ROBO2: variants seen among roughly 807,000 people sequenced by gnomAD.
The protein encoded by ROBO2 is roundabout guidance receptor 2.
ROBO2 carries 53 observed loss-of-function variants against 160.8 expected under a neutral mutation model. The ratio of observed to expected loss-of-function variants is 0.33; its 90% confidence interval spans 0.26 to 0.41. The LOEUF is 0.41. Ranked by LOEUF, ROBO2 falls within the 10% of genes least tolerant of loss-of-function variation. ROBO2 has a pLI of 1.00. For synonymous variants in ROBO2, 664 were observed against 611.7 expected, an observed-to-expected ratio of 1.09 and a Z score of -1.26; for missense variants, 1,577 against 1,722.4, an observed-to-expected ratio of 0.92 and a Z score of 1.49.
intron 2 of ROBO2, among the ~76,000 whole-genome samples, chr3:76,208,300 T>A (rs1575876632): frequency 6.6e-6 from 1 of 152,314 alleles, no homozygotes; most frequent in African/African-American, 2.4e-5. Flanking sequence ...CTCCTTGTAA[T>A]GGAAATGCCC....
At chr3:76,233,984 T>C (rs932896413) in intron 2 of ROBO2, among the ~76,000 whole-genome samples, 1 of 152,168 alleles carries the variant, frequency 6.6e-6, no homozygotes, top group Admixed American at 6.5e-5. Context: ...CGCTCCAACC[T>C]CAAGTAGACC....
intron 6 of ROBO2, among the ~76,000 whole-genome samples, chr3:77,523,211 T>G (rs1257539982): frequency 6.6e-6 from 1 of 151,422 alleles, no homozygotes; most frequent in East Asian, 1.9e-4. Context: ...TTTCCATTGC[T>G]TTCAACTACT....
intron 2 of ROBO2, among the ~76,000 whole-genome samples, chr3:76,271,862 A>C (rs1707452181): frequency 6.6e-6 from 1 of 152,006 alleles, no homozygotes; most frequent in African/African-American, 2.4e-5. Context: ...CTAGTTCTTA[A>C]AATATTTCTG....
intron 2 of ROBO2, among the ~76,000 whole-genome samples, chr3:76,258,096 A>G (rs1460428914): frequency 1.3e-5 from 2 of 152,014 alleles, no homozygotes; most frequent in Non-Finnish European, 2.9e-5. Context: ...ATCCTAACAT[A>G]CAACTACAGC....
chr3:77,178,047 ACT>A (rs2080327178), intron 2 of ROBO2, among the ~76,000 whole-genome samples: 1 of 152,036 alleles, frequency 6.6e-6, no homozygotes, highest in Non-Finnish European at 1.5e-5. Context: ...TCTCTACTGA[ACT>A]TCCTGGGGAA....
chr3:76,570,232 A>G (rs959117761), intron 2 of ROBO2, among the ~76,000 whole-genome samples: 3 of 152,178 alleles, frequency 2.0e-5, no homozygotes, highest in Non-Finnish European at 4.4e-5. Flanking sequence ...CAATGGAGCT[A>G]TTGCTTTTTT....
chr3:76,959,498 C>T (rs1577845545), intron 2 of ROBO2, among the ~76,000 whole-genome samples: 2 of 152,076 alleles, frequency 1.3e-5, no homozygotes, highest in African/African-American at 4.8e-5. Context: ...GAAGTGACAC[C>T]ATTTGTGTGA....
At chr3:77,020,516 A>G (rs186980575) in intron 2 of ROBO2, among the ~76,000 whole-genome samples, 75 of 152,314 alleles carry the variant, frequency 4.9e-4, no homozygotes, top group African/African-American at 1.7e-3. Context: ...ACTCTTAGAA[A>G]AAAATGTTCA....
intron 2 of ROBO2, among the ~76,000 whole-genome samples, chr3:76,120,038 C>G (rs1467874611): frequency 6.6e-6 from 1 of 151,318 alleles, no homozygotes; most frequent in Non-Finnish European, 1.5e-5. Flanking sequence ...ACTCTGTTGC[C>G]CAGCCTGGAG....
chr3:76,560,669 G>A (rs1229743243), intron 2 of ROBO2, among the ~76,000 whole-genome samples: 1 of 149,344 alleles, frequency 6.7e-6, no homozygotes, highest in Non-Finnish European at 1.5e-5. Context: ...CTCCCGGTAA[G>A]TCTATAGTCA....
chr3:76,437,540 C>T (rs200490456), intron 2 of ROBO2, among the ~76,000 whole-genome samples: 6 of 152,000 alleles, frequency 3.9e-5, no homozygotes, highest in East Asian at 3.9e-4. Flanking sequence ...AATTTTAAAC[C>T]GTATTGAAAA....
intron 2 of ROBO2, among the ~76,000 whole-genome samples, chr3:76,238,119 G>A (rs929902875): frequency 6.6e-6 from 1 of 152,112 alleles, no homozygotes. Context: ...GGACTTGGGA[G>A]GTTATTCTTA....
chr3:76,994,132 A>G (rs950061056), intron 2 of ROBO2, among the ~76,000 whole-genome samples: 4 of 151,878 alleles, frequency 2.6e-5, no homozygotes, highest in African/African-American at 4.8e-5. Flanking sequence ...ATGAGTGCAC[A>G]AGGCTATCTG....
At position 77,647,838 on chromosome 3, in the gene ROBO2, C is replaced by T. The variant is rs555730673; in HGVS notation, c.*1783C>T. 185 of 152,224 alleles carry T rather than the reference C, an allele frequency of 1.2e-3. No homozygotes were observed. Among genetic ancestry groups the T allele is most frequent in the African/African-American group, 4.2e-3 (175 of 41,542 alleles). 9.4% of individuals were successfully genotyped at this position (152,224 alleles called of 1,614,324 possible). A position where few individuals can be genotyped will look rare whatever the true frequency, so the allele number is the denominator to read the frequency against. ...ACCCCTTTGAGTGACAATTCGCACT[C>T]CATGCATTATTGGCTCAGTAGCCAA... On this transcript the variant is annotated 3_prime_UTR_variant, in exon 26 of 26. Transcript: ENST00000461745.
chr3:76,567,763 CTGTGTG>C (rs71101900), intron 2 of ROBO2, among the ~76,000 whole-genome samples: 94 of 88,366 alleles, frequency 1.1e-3, no homozygotes, highest in African/African-American at 2.9e-3. Flanking sequence ...ATATATCTGT[CTGTGTG>C]TGTGTGTGTG....
At position 77,565,061 on chromosome 3, in the gene ROBO2, C is replaced by T. The variant is rs762706045; in HGVS notation, c.1790C>T (p.Ala597Val). ...ACAATCTACTTATTCATGGTCAGAG[C>T]GATCAACCCCCAAGGTCTCAGTGAC... Residue 597 changes from alanine (A) to valine (V), a missense_variant, in exon 12 of 26, where the codon GCG (alanine) becomes GTG (valine). Ala to Val is a moderately conservative substitution (Grantham distance 64). Transcript: ENST00000461745. The T allele has an allele frequency of 7.4e-6, 12 of 1,613,700 alleles. No individual in the cohort carries two copies. The highest frequency in any genetic ancestry group is 1.1e-5 in the South Asian group (1 of 91,080).
chr3:77,557,743 AG>A (rs1485358245), intron 8 of ROBO2, among the ~76,000 whole-genome samples, 200 bp from the exon 10 acceptor site: 1 of 151,994 alleles, frequency 6.6e-6, no homozygotes, highest in African/African-American at 2.4e-5. Context: ...GCCTTAGTAT[AG>A]TATATATGTA....
intron 2 of ROBO2, among the ~76,000 whole-genome samples, chr3:76,235,204 C>G (rs1209750226): frequency 2.0e-5 from 3 of 152,072 alleles, no homozygotes; most frequent in Non-Finnish European, 4.4e-5. Flanking sequence ...TGGAATCATA[C>G]TAACTTATGT....
Position 76,344,706 on chromosome 3 carries a change from A to G in ROBO2, c.109+407104A>G, listed in dbSNP as rs193204019. ...TAATCTAGTGGATTTGGTTTAGGAA[A>G]TTATATGTTCTGTTTTGAATAGGTC... On this transcript the variant is annotated intron_variant, in intron 2 of 26. Coordinates refer to the ROBO2 transcript ENST00000487694. Among the ~76,000 whole-genome samples, 411 of 152,268 alleles carry G rather than the reference A, an allele frequency of 2.7e-3. 2 individuals are homozygous for G. Among genetic ancestry groups the G allele is most frequent in the Non-Finnish European group, 4.7e-3 (318 of 67,996 alleles).
Sources: allele counts gnomAD v4.1 joint callset (sites outside exome capture counted in the v4.1 genomes callset), GRCh38; gene constraint gnomAD v4.1.1; transcripts MANE v1.5; gene names NCBI Gene and HGNC (gene_info 2026-07-23, HGNC 2026-07-21).